Variants in CTDP1 observed in about 807,000 individuals in gnomAD.
CTDP1 encodes RNA polymerase II subunit A C-terminal domain phosphatase.
CTDP1 carries 47 observed loss-of-function variants against 91.8 expected under a neutral mutation model. That is an observed-to-expected ratio of 0.51 (90% confidence interval 0.41 to 0.65). The LOEUF is 0.65. Ranked by LOEUF, CTDP1 falls within the 30% of genes least tolerant of loss-of-function variation. CTDP1 has a pLI of 0.00. For synonymous variants in CTDP1, 656 were observed against 598.5 expected (o/e 1.10, Z -1.40); for missense variants, 1,272 against 1,373.7 (o/e 0.93, Z 1.17).
chr18:79,739,880 T>TCGGCG (rs1250877099), intron 12 of CTDP1, among the ~76,000 whole-genome samples: 51 of 3,584 alleles, frequency 0.014, 5 homozygotes, highest in Admixed American at 0.027. Context: ...CGGGTGGGAC[T>TCGGCG]CTCATACCCA....
chr18:79,688,164 T>A (rs1219230947), intron 1 of CTDP1, among the ~76,000 whole-genome samples: 4 of 152,248 alleles, frequency 2.6e-5, no homozygotes, highest in Non-Finnish European at 5.9e-5. Flanking sequence ...GTGCAGAGCG[T>A]CAGCCACAGC....
chr18:79,742,004 C>T (rs1599311341), intron 12 of CTDP1, among the ~76,000 whole-genome samples: 1 of 152,292 alleles, frequency 6.6e-6, no homozygotes, highest in African/African-American at 2.4e-5. Context: ...AGATCTTTAC[C>T]TAGGCACATC....
rs553037463 is a variant in CTDP1, at chr18:79,695,777, T to C, written c.399-200T>C. Among the ~76,000 whole-genome samples, 4 of 152,308 alleles carry C rather than the reference T, an allele frequency of 2.6e-5. No homozygotes were observed. The East Asian group carries it at 5.8e-4, about 22-fold the overall frequency. The stretch of plus-strand genomic sequence containing the variant: ...GACTATGGCTCTGTGTGTTCATGAG[T>C]GTGGCCACGAGCTCAGTGTTTCCAC... On this transcript the variant is annotated intron_variant, in intron 2 of 12. Transcript: ENST00000613122.
Position 79,687,563 on chromosome 18 carries a change from G to C in CTDP1, c.314+7302G>C, listed in dbSNP as rs2085528916. ...TCACTGGTGGGCCTGCACCGCAGCAGTTGGCTTCTCCAGTTCACTGGTGGG... is the reference window on the plus strand; with the variant it reads ...TCACTGGTGGGCCTGCACCGCAGCACTTGGCTTCTCCAGTTCACTGGTGGG... On this transcript the variant is annotated intron_variant, in intron 1 of 12. Transcript: ENST00000613122. Among the ~76,000 whole-genome samples the C allele has an allele frequency of 2.0e-5, 3 of 150,816 alleles. No individual in the cohort carries two copies. The South Asian group carries it at 6.3e-4, about 32-fold the overall frequency.
intron 8 of CTDP1, among the ~76,000 whole-genome samples, 189 bp downstream of exon 8, chr18:79,715,717 C>T (rs749285760): frequency 2.1e-4 from 32 of 152,208 alleles, no homozygotes; most frequent in African/African-American, 2.7e-4. Flanking sequence ...GCTTTCAGAC[C>T]GCAGTCATCG....
intron 3 of CTDP1, among the ~76,000 whole-genome samples, chr18:79,697,513 G>A (rs780142445): frequency 5.9e-5 from 9 of 152,230 alleles, no homozygotes; most frequent in Non-Finnish European, 8.8e-5. Flanking sequence ...GCCACCCAGC[G>A]TCTCCCAGCC....
At chr18:79,677,030 G>A (rs1232302650), upstream of CTDP1, among the ~76,000 whole-genome samples, 1 of 152,182 alleles carries the variant, frequency 6.6e-6, no homozygotes, top group African/African-American at 2.4e-5. Flanking sequence ...TTCCATCGAG[G>A]TCTGTATTTC....
chr18:79,685,166 C>G (rs535112013), intron 1 of CTDP1, among the ~76,000 whole-genome samples: 3 of 152,290 alleles, frequency 2.0e-5, no homozygotes, highest in African/African-American at 7.2e-5. Context: ...TCTCTGTAGA[C>G]CAGGTTTCAG....
intron 10 of CTDP1, among the ~76,000 whole-genome samples, chr18:79,723,449 G>A (rs1369308544): frequency 3.3e-5 from 5 of 152,162 alleles, no homozygotes; most frequent in Admixed American, 6.5e-5. Context: ...TTGGCCCTTC[G>A]TCCCTGGACT....
chr18:79,684,646 T>C (rs2085447501), intron 1 of CTDP1, among the ~76,000 whole-genome samples: 1 of 150,788 alleles, frequency 6.6e-6, no homozygotes, highest in South Asian at 2.1e-4. Context: ...GTCCGTGCCC[T>C]CGTTGCCTGC....
chr18:79,694,697 A>G (rs2085711479), intron 1 of CTDP1, among the ~76,000 whole-genome samples: 1 of 152,172 alleles, frequency 6.6e-6, no homozygotes, highest in Non-Finnish European at 1.5e-5. Flanking sequence ...CATAGCCTTC[A>G]GATTTCAGCA....
intron 5 of CTDP1, 108 bp downstream of exon 5, chr18:79,705,025 A>T (rs2085939317): frequency 2.0e-6 from 3 of 1,531,992 alleles, no homozygotes; most frequent in Non-Finnish European, 2.7e-6. Context: ...CCTGCAACTC[A>T]GTTGTAGTCT....
intron 12 of CTDP1, among the ~76,000 whole-genome samples, chr18:79,738,035 C>T (rs2086702060): frequency 6.9e-6 from 1 of 144,500 alleles, no homozygotes. Flanking sequence ...CCCCCGCCCG[C>T]CCTGCTCACC....
intron 12 of CTDP1, among the ~76,000 whole-genome samples, chr18:79,742,405 C>T (rs1394392376): frequency 6.6e-6 from 1 of 152,176 alleles, no homozygotes; most frequent in Admixed American, 6.5e-5. Flanking sequence ...CACACCCAGG[C>T]CCCTGTATCC....
At chr18:79,678,512 G>A (rs2085283048), upstream of CTDP1, 1 of 152,096 alleles carries the variant, frequency 6.6e-6, no homozygotes, top group Admixed American at 6.5e-5. Flanking sequence ...ACACATTCAG[G>A]GCGCCTTGAA....
At chr18:79,711,421 C>G (rs558394407) in intron 6 of CTDP1, among the ~76,000 whole-genome samples, 2 of 152,134 alleles carry the variant, frequency 1.3e-5, no homozygotes, top group Admixed American at 6.5e-5. Context: ...GCCAGGGCTC[C>G]TGGGGAACTC....
At position 79,714,804 on chromosome 18, in the gene CTDP1, T is replaced by C; in HGVS notation, c.1344T>C (p.Thr448=). The part of the protein sequence containing the change: ...GQRPAQGATG[T]DLDFDLSSDS... ...GGCCTGCCCAGGGTGCCACGGGCAC[T>C]GACCTGGACTTTGACTTATCCAGCG... Residue 448 remains threonine (T), a synonymous_variant, in exon 8 of 13, where the codon ACT becomes ACC. Coordinates refer to ENST00000613122, the MANE Select transcript of CTDP1 (RefSeq NM_004715.5). 6.2e-7 allele frequency: 1 copy of C among 1,603,426 alleles called. No individual in the cohort carries two copies. The highest frequency in any genetic ancestry group is 8.5e-7 in the Non-Finnish European group (1 of 1,176,252).
intron 6 of CTDP1, among the ~76,000 whole-genome samples, chr18:79,711,111 TAGAC>T (rs935559039): frequency 1.4e-4 from 21 of 152,130 alleles, no homozygotes; most frequent in African/African-American, 2.2e-4. Context: ...TCGTCTCTGT[TAGAC>T]AGCACAATTC....
At chr18:79,681,476 G>T (rs1414474422) in intron 1 of CTDP1, 1 of 985,328 alleles carries the variant, frequency 1.0e-6, no homozygotes, top group Non-Finnish European at 1.2e-6. Flanking sequence ...GTTTCATTCT[G>T]TTCCTCTGAT....
Sources: allele counts gnomAD v4.1 joint callset (sites outside exome capture counted in the v4.1 genomes callset), GRCh38; gene constraint gnomAD v4.1.1; transcripts MANE v1.5; gene names NCBI Gene and HGNC (gene_info 2026-07-23, HGNC 2026-07-21).